Variants in DHTKD1 observed in about 807,000 individuals in gnomAD.
DHTKD1 encodes dehydrogenase E1 and transketolase domain containing 1, also known as 2-oxoadipate dehydrogenase complex component E1.
A neutral mutation model predicts 101.8 loss-of-function variants in DHTKD1; 78 were observed. That is an observed-to-expected ratio of 0.77 (90% confidence interval 0.64 to 0.93). DHTKD1 has a LOEUF of 0.93. Ranked by LOEUF, DHTKD1 falls within the 40% of genes least tolerant of loss-of-function variation. The pLI is 0.00. For synonymous variants in DHTKD1, 462 were observed against 450.3 expected (o/e 1.03, Z -0.33); for missense variants, 1,223 against 1,161.7 (o/e 1.05, Z -0.77).
At chr10:12,078,432 A>C (rs1055711837) in intron 1 of DHTKD1, among the ~76,000 whole-genome samples, 2 of 151,956 alleles carry the variant, frequency 1.3e-5, no homozygotes, top group Admixed American at 6.6e-5. Flanking sequence ...CTCAGAAAAA[A>C]AAAACAAAAC....
intron 1 of DHTKD1, among the ~76,000 whole-genome samples, chr10:12,070,674 A>C (rs1205654738): frequency 6.6e-6 from 1 of 152,086 alleles, no homozygotes; most frequent in Non-Finnish European, 1.5e-5. Flanking sequence ...TTTTTAGTAG[A>C]GATGGGGTTT....
chr10:12,120,064 G>A, intron 15 of DHTKD1, 118 bp from the exon 16 acceptor site: 2 of 737,296 alleles, frequency 2.7e-6, no homozygotes, highest in South Asian at 3.1e-5. Context: ...TCTAGTGAAT[G>A]TGAATCCCTT....
At chr10:12,094,339 A>G in intron 7 of DHTKD1, 68 bp downstream of exon 7, 2 of 1,416,794 alleles carry the variant, frequency 1.4e-6, no homozygotes, top group Non-Finnish European at 2.0e-6. Flanking sequence ...TTCTTTTGAG[A>G]TGGAGTCTTG....
At chr10:12,075,973 C>G (rs897826245) in intron 1 of DHTKD1, among the ~76,000 whole-genome samples, 1 of 149,126 alleles carries the variant, frequency 6.7e-6, no homozygotes, top group Admixed American at 6.7e-5. Context: ...GAAAATAAAG[C>G]AATCTGAATG....
At position 12,089,065 on chromosome 10, in the gene DHTKD1, C is replaced by T. The variant is rs747318060; in HGVS notation, c.797C>T (p.Thr266Ile). The T allele has an allele frequency of 2.5e-6, 4 of 1,614,088 alleles. No homozygotes were observed. Among genetic ancestry groups the T allele is most frequent in the Non-Finnish European group, 3.4e-6 (4 of 1,179,936 alleles). The change falls in exon 5 of 17, where the codon ACC (threonine) becomes ATC (isoleucine). Residue 266 changes from threonine to isoleucine, a missense_variant. Thr to Ile is a moderately conservative substitution (Grantham distance 89). Transcript: ENST00000263035. Reference protein sequence around the residue: ...SATGDVLSHLTSSVDLYFGAH... With the variant: ...SATGDVLSHLISSVDLYFGAH... ...ACTGGAGACGTCCTGTCTCACCTGA[C>T]CTCCTCTGTGGACCTGTACTTTGGG...
chr10:12,099,718 A>G (rs1833126935), intron 8 of DHTKD1, among the ~76,000 whole-genome samples: 1 of 150,896 alleles, frequency 6.6e-6, no homozygotes, highest in Non-Finnish European at 1.5e-5. Flanking sequence ...ACTGTATATA[A>G]TTGCTCTCCT....
At chr10:12,102,409 C>G (rs58630925) in intron 10 of DHTKD1, among the ~76,000 whole-genome samples, 1 of 130,052 alleles carries the variant, frequency 7.7e-6, no homozygotes, top group Non-Finnish European at 1.6e-5. Flanking sequence ...GGTGACAGAG[C>G]GAGACTCTGT....
intron 7 of DHTKD1, 109 bp downstream of exon 7, chr10:12,094,380 C>T (rs776056230): frequency 1.0e-5 from 10 of 983,384 alleles, no homozygotes; most frequent in African/African-American, 4.8e-5. Flanking sequence ...TGCAGTAGCA[C>T]GATCTTGGCT....
rs1189092067 is a variant in DHTKD1 at position 12,089,271 on chromosome 10, GA to G, written c.987+19del. ...TTGCTTACAGGTACTTGGAGCTTCT[GA>G]AATTGAGGCCAGAGGTGGGGAAAAC... On this transcript the variant is annotated intron_variant, in intron 5 of 16. Coordinates refer to ENST00000263035, the MANE Select transcript of DHTKD1 (RefSeq NM_018706.7). 1.6e-5 allele frequency: 26 copies of G among 1,609,352 alleles called. No individual in the cohort carries two copies. The highest frequency in any genetic ancestry group is 2.2e-5 in the Non-Finnish European group (26 of 1,177,144).
intron 15 of DHTKD1, among the ~76,000 whole-genome samples, chr10:12,119,498 C>T (rs999231954): frequency 2.0e-5 from 3 of 150,832 alleles, no homozygotes; most frequent in Admixed American, 6.6e-5. Flanking sequence ...CGCCTGTAGT[C>T]CCAGCTACTT....
At chr10:12,095,804 C>T (rs1198875602) in intron 7 of DHTKD1, among the ~76,000 whole-genome samples, 1 of 73,466 alleles carries the variant, frequency 1.4e-5, no homozygotes, top group African/African-American at 4.6e-5. Flanking sequence ...CATAGCGAGA[C>T]TCCGTCTCAA....
intron 10 of DHTKD1, 145 bp downstream of exon 10, chr10:12,101,326 G>T: frequency 1.2e-6 from 1 of 857,322 alleles, no homozygotes; most frequent in Non-Finnish European, 1.7e-6. Flanking sequence ...GATGAGGTGG[G>T]TCTGTCAATT....
intron 10 of DHTKD1, 142 bp downstream of exon 10, chr10:12,101,323 T>C: frequency 1.1e-6 from 1 of 872,474 alleles, no homozygotes; most frequent in South Asian, 2.0e-5. Context: ...GTGGATGAGG[T>C]GGGTCTGTCA....
chr10:12,111,645 T>C (rs529876635), intron 12 of DHTKD1, among the ~76,000 whole-genome samples: 21 of 152,234 alleles, frequency 1.4e-4, no homozygotes, highest in African/African-American at 5.1e-4. Context: ...AGCAGCATGG[T>C]TGGTGGCAAT....
rs1344295833 is a variant in DHTKD1 at position 12,110,587 on chromosome 10, A to C, written c.2155-2313A>C. 6.6e-6 allele frequency among the ~76,000 whole-genome samples: 1 copy of C among 152,300 alleles called. No homozygotes were observed. Among genetic ancestry groups the C allele is most frequent in the Non-Finnish European group, 1.5e-5 (1 of 68,016 alleles). ...TGTTTTGATACAGCTATACATTGTG[A>C]ACTGATTGAATCAAGCTAATTACCA... On this transcript the variant is annotated intron_variant, in intron 12 of 16. Transcript: ENST00000263035. This position sits in a 1 kb window ranked among gnomAD's most constrained non-coding sequence, Gnocchi z 4.9.
At chr10:12,094,568 C>T (rs1187799115) in intron 7 of DHTKD1, among the ~76,000 whole-genome samples, 1 of 152,046 alleles carries the variant, frequency 6.6e-6, no homozygotes, top group Non-Finnish European at 1.5e-5. Context: ...AACTCCTGAC[C>T]TCAGGTGATC....
Position 12,120,866 on chromosome 10 carries a change from T to A in DHTKD1, c.2738T>A (p.Ile913Asn), listed in dbSNP as rs1833516080. The change falls in exon 17 of 17, where the codon ATC (isoleucine) becomes AAC (asparagine). Residue 913 changes from isoleucine (I) to asparagine (N), a missense_variant. Ile to Asn is a moderately radical substitution (Grantham distance 149). Coordinates refer to ENST00000263035, the MANE Select transcript of DHTKD1 (RefSeq NM_018706.7). ...GTTCACTTGCACCAGCATGAAGATA[T>A]CCTCGCCAAGACCTTCGCTTGATGA... is the stretch of plus-strand genomic sequence containing the variant. ...GTVHLHQHED[I>N]LAKTFA The A allele has an allele frequency of 6.2e-7, 1 of 1,613,904 alleles. No homozygotes were observed. Among genetic ancestry groups the A allele is most frequent in the Non-Finnish European group, 8.5e-7 (1 of 1,179,872 alleles).
chr10:12,079,141 T>C (rs10906064), intron 1 of DHTKD1, among the ~76,000 whole-genome samples: 1 of 151,950 alleles, frequency 6.6e-6, no homozygotes, highest in Non-Finnish European at 1.5e-5. Context: ...CAGGCTAGAG[T>C]GCAGTGGTGA....
chr10:12,081,362 AAT>A, intron 1 of DHTKD1, 108 bp from the exon 2 acceptor site: 1 of 839,104 alleles, frequency 1.2e-6, no homozygotes, highest in East Asian at 2.5e-5. Flanking sequence ...TAAATAAATA[AAT>A]AAAAAGTAAG....
Sources: allele counts gnomAD v4.1 joint callset (sites outside exome capture counted in the v4.1 genomes callset), GRCh38; gene constraint gnomAD v4.1.1; non-coding constraint Gnocchi (gnomAD v3.1); transcripts MANE v1.5; gene names NCBI Gene and HGNC (gene_info 2026-07-23, HGNC 2026-07-21).